The following CTNNA2 variants were observed in gnomAD, a reference collection of about 807,000 sequenced individuals.
CTNNA2 encodes catenin alpha 2.
A neutral mutation model predicts 101.0 loss-of-function variants in CTNNA2; 42 were observed. That is an observed-to-expected ratio of 0.42 (90% CI 0.32 to 0.54). CTNNA2 has a LOEUF of 0.54. Among genes scored for constraint, CTNNA2 ranks in the 20% least tolerant of loss-of-function variants. The pLI is 0.14. For synonymous variants in CTNNA2, 450 were observed against 456.4 expected (o/e 0.99, Z 0.18); for missense variants, 871 against 1,223.1 (o/e 0.71, Z 4.29).
At chr2:79,387,002 A>G (rs1678113280) in intron 4 of CTNNA2, among the ~76,000 whole-genome samples, 1 of 152,242 alleles carries the variant, frequency 6.6e-6, no homozygotes, top group Non-Finnish European at 1.5e-5. Flanking sequence ...ATAGAATGCT[A>G]GAGTCAGAAA....
chr2:79,198,760 G>A (rs1673995140), intron 2 of CTNNA2, among the ~76,000 whole-genome samples: 1 of 132,004 alleles, frequency 7.6e-6, no homozygotes, highest in Non-Finnish European at 1.7e-5. Context: ...AAATAAACAA[G>A]CAAGTAAACA....
intron 7 of CTNNA2, among the ~76,000 whole-genome samples, chr2:80,278,009 G>C (rs1674061795): frequency 6.6e-6 from 1 of 152,062 alleles, no homozygotes; most frequent in Non-Finnish European, 1.5e-5. Context: ...TTCTGGATTG[G>C]GTAGTGGTTA....
At chr2:79,583,478 GAT>G (rs1199187165) in intron 1 of CTNNA2, among the ~76,000 whole-genome samples, 3 of 151,228 alleles carry the variant, frequency 2.0e-5, no homozygotes, top group African/African-American at 4.9e-5. Flanking sequence ...GATTCTTGTT[GAT>G]ATATATATAT....
intron 2 of CTNNA2, among the ~76,000 whole-genome samples, chr2:79,233,696 C>A (rs192771186): frequency 6.6e-6 from 1 of 152,088 alleles, no homozygotes; most frequent in Non-Finnish European, 1.5e-5. Flanking sequence ...TTTTATAAGT[C>A]AAGAAGACCT....
intron 15 of CTNNA2, among the ~76,000 whole-genome samples, chr2:80,589,903 T>TGTGTGTGTGC (rs1553400676): frequency 7.0e-4 from 101 of 144,504 alleles, no homozygotes; most frequent in East Asian, 3.0e-3. Context: ...TGTGTGTGTG[T>TGTGTGTGTGC]GTGCGCGCGC....
rs147127606 is a variant in CTNNA2 at position 79,488,038 on chromosome 2, T to A, written c.-134-17016T>A. 3.0e-3 allele frequency among the ~76,000 whole-genome samples: 462 copies of A among 152,102 alleles called. 1 individual carries two copies. Among genetic ancestry groups the A allele is most frequent in the African/African-American group, 0.01 (433 of 41,512 alleles). ...CATTTTTAAAGTGAAAAATCTGGGA[T>A]GTTAAAAAAGACAGACAGTGTAATC... is the stretch of plus-strand genomic sequence containing the variant. On this transcript the variant is annotated intron_variant, in intron 4 of 21. Transcript: ENST00000466387.
intron 7 of CTNNA2, among the ~76,000 whole-genome samples, chr2:80,150,109 A>C (rs1214420375): frequency 6.6e-6 from 1 of 152,044 alleles, no homozygotes; most frequent in Non-Finnish European, 1.5e-5. Flanking sequence ...ACTGTGGAAA[A>C]TCTTTTTCTG....
chr2:79,539,016 A>G (rs896865171), intron 1 of CTNNA2, among the ~76,000 whole-genome samples: 1 of 152,354 alleles, frequency 6.6e-6, no homozygotes, highest in East Asian at 1.9e-4. Context: ...ATCAAGATCA[A>G]TAAGGATAAA....
intron 3 of CTNNA2, among the ~76,000 whole-genome samples, chr2:79,825,839 C>T (rs538466851): frequency 1.2e-4 from 19 of 152,248 alleles, no homozygotes; most frequent in African/African-American, 4.6e-4. Context: ...GGAGAAGATA[C>T]AAATACTCCA....
chr2:80,298,039 A>T (rs1294468738), intron 7 of CTNNA2: 3 of 149,372 alleles, frequency 2.0e-5, no homozygotes, highest in Admixed American at 6.7e-5. Context: ...ATTATATATT[A>T]TATATATATA....
intron 9 of CTNNA2, among the ~76,000 whole-genome samples, chr2:80,497,814 G>A (rs761716695): frequency 6.6e-6 from 1 of 152,152 alleles, no homozygotes; most frequent in African/African-American, 2.4e-5. Context: ...TTGATGGACT[G>A]CCAGCAAGAA....
intron 9 of CTNNA2, among the ~76,000 whole-genome samples, chr2:80,473,702 A>G (rs1685495267): frequency 6.6e-6 from 1 of 152,200 alleles, no homozygotes; most frequent in Admixed American, 6.5e-5. Context: ...CCCCAACAAC[A>G]GAAAAATATT....
rs908410840 is a variant in CTNNA2, at chr2:79,287,185, T to C, written c.-405-25524T>C. On this transcript the variant is annotated intron_variant, in intron 2 of 21. Coordinates refer to the CTNNA2 transcript ENST00000466387. The stretch of plus-strand genomic sequence containing the variant: ...AATTTTTTTCAAAGTTTTCAACTTC[T>C]TTGCTTTGGTTTGAATGTCCTCCCG... 5.3e-4 allele frequency among the ~76,000 whole-genome samples: 81 copies of C among 152,198 alleles called. 1 individual carries two copies. Among genetic ancestry groups the C allele is most frequent in the Non-Finnish European group, 7.6e-4 (52 of 68,042 alleles).
chr2:79,305,735 A>T (rs55950204), intron 2 of CTNNA2, among the ~76,000 whole-genome samples: 11,415 of 152,150 alleles, frequency 0.075, 502 homozygotes, highest in East Asian at 0.13. Flanking sequence ...TCTTTGGGAG[A>T]GTATTCAGCC....
At chr2:79,947,748 G>A (rs1688602476) in intron 7 of CTNNA2, among the ~76,000 whole-genome samples, 1 of 152,194 alleles carries the variant, frequency 6.6e-6, no homozygotes, top group Non-Finnish European at 1.5e-5. Flanking sequence ...CCCTGAGTCT[G>A]TAGTAATTCA....
intron 2 of CTNNA2, among the ~76,000 whole-genome samples, chr2:79,243,163 G>C (rs923164837): frequency 6.6e-6 from 1 of 151,968 alleles, no homozygotes; most frequent in Non-Finnish European, 1.5e-5. Context: ...CAGTTATAAA[G>C]AGGAAAACTT....
At chr2:79,918,808 C>T (rs1686444234) in intron 7 of CTNNA2, among the ~76,000 whole-genome samples, 1 of 152,164 alleles carries the variant, frequency 6.6e-6, no homozygotes, top group African/African-American at 2.4e-5. Context: ...CATAAGTTGA[C>T]CTTCCAGAAT....
Position 80,072,292 on chromosome 2 carries a change from C to T in CTNNA2, c.1056+162495C>T, listed in dbSNP as rs1698397715. ...TCATATTCCTGCTTTAAAATGTCAC[C>T]TACCTTTTCTCCTCTTTTCCCTCCC... On this transcript the variant is annotated intron_variant, in intron 7 of 18. Coordinates refer to ENST00000402739, the MANE Select transcript of CTNNA2 (RefSeq NM_001282597.3). Among the ~76,000 whole-genome samples, 6 of 151,988 alleles carry T rather than the reference C, an allele frequency of 3.9e-5. No individual in the cohort carries two copies. The South Asian group carries it at 1.2e-3, about 32-fold the overall frequency.
chr2:79,414,674 A>T (rs952174110), intron 4 of CTNNA2, among the ~76,000 whole-genome samples: 3 of 152,070 alleles, frequency 2.0e-5, no homozygotes, highest in Non-Finnish European at 4.4e-5. Flanking sequence ...TCTGGGCCAG[A>T]ATCCACAAGG....
Sources: gnomAD v4.1 joint callset for allele counts (sites outside exome capture counted in the v4.1 genomes callset) on GRCh38, gnomAD v4.1.1 for gene constraint, MANE v1.5 for transcripts, NCBI Gene and HGNC (gene_info 2026-07-23, HGNC 2026-07-21) for gene names.